KAT6B: variants seen among roughly 807,000 people sequenced by gnomAD.
KAT6B encodes the protein histone acetyltransferase KAT6B.
KAT6B carries 10 observed loss-of-function variants against 187.5 expected under a neutral mutation model. That is an observed-to-expected ratio of 0.05 (90% CI 0.03 to 0.09). KAT6B has a LOEUF of 0.09. KAT6B is among the 10% of genes least tolerant of loss of function. KAT6B has a pLI of 1.00. For synonymous variants in KAT6B, 861 were observed against 926.8 expected (o/e 0.93, Z 1.29); for missense variants, 1,952 against 2,558.9 (o/e 0.76, Z 5.12).
chr10:74,901,565 C>T (rs746894877), intron 3 of KAT6B, among the ~76,000 whole-genome samples: 8 of 152,104 alleles, frequency 5.3e-5, no homozygotes, highest in Non-Finnish European at 1.2e-4. Context: ...TTTAAGTTGA[C>T]CTGACAGCAT....
At chr10:74,847,329 A>T (rs1010494037) in intron 3 of KAT6B, among the ~76,000 whole-genome samples, 94 of 152,236 alleles carry the variant, frequency 6.2e-4, no homozygotes, top group African/African-American at 2.2e-3. Context: ...AAATCAGTTT[A>T]AACAAAGTTG....
intron 3 of KAT6B, among the ~76,000 whole-genome samples, chr10:74,846,847 A>T (rs1018073964): frequency 7.2e-5 from 11 of 152,182 alleles, no homozygotes; most frequent in African/African-American, 2.7e-4. Context: ...TATGTACACT[A>T]CCCTAAGGTA....
At chr10:74,959,805 T>G (rs1250793820) in intron 3 of KAT6B, among the ~76,000 whole-genome samples, 165 bp from the exon 4 acceptor site, 8 of 151,938 alleles carry the variant, frequency 5.3e-5, no homozygotes, top group Non-Finnish European at 1.5e-5. Flanking sequence ...AATATAAGAG[T>G]TTTTTTACTA....
At chr10:74,862,333 G>T (rs1261611365) in intron 3 of KAT6B, among the ~76,000 whole-genome samples, 4 of 152,166 alleles carry the variant, frequency 2.6e-5, no homozygotes, top group African/African-American at 9.7e-5. Context: ...TATGCAAAAA[G>T]AGTATTTTTC....
At chr10:74,901,732 G>A (rs1174856646) in intron 3 of KAT6B, among the ~76,000 whole-genome samples, 2 of 152,148 alleles carry the variant, frequency 1.3e-5, no homozygotes, top group African/African-American at 4.8e-5. Context: ...GGGTTGGAGA[G>A]ATTCAGAGAT....
chr10:74,853,620 CTTTTTTTTTTTT>C (rs542210569), intron 3 of KAT6B, among the ~76,000 whole-genome samples: 3 of 122,612 alleles, frequency 2.4e-5, no homozygotes, highest in African/African-American at 9.4e-5. Flanking sequence ...TAAGAAATGC[CTTTTTTTTTTTT>C]TTTTTTTTAA....
chr10:74,885,542 T>C (rs1030480993), intron 3 of KAT6B, among the ~76,000 whole-genome samples: 4 of 152,180 alleles, frequency 2.6e-5, no homozygotes, highest in Non-Finnish European at 4.4e-5. Flanking sequence ...ATGCTAGATA[T>C]GAACTTTGGG....
At chr10:74,952,360 A>G (rs1168370859) in intron 3 of KAT6B, among the ~76,000 whole-genome samples, 2 of 152,060 alleles carry the variant, frequency 1.3e-5, no homozygotes, top group African/African-American at 4.8e-5. Context: ...TCTCCTAAAA[A>G]AAAAAGGTAT....
intron 4 of KAT6B, among the ~76,000 whole-genome samples, chr10:74,961,162 G>A (rs1564590292): frequency 6.6e-6 from 1 of 152,088 alleles, no homozygotes; most frequent in Non-Finnish European, 1.5e-5. Context: ...CCTGGCCATG[G>A]CATCATGGAT....
intron 3 of KAT6B, among the ~76,000 whole-genome samples, chr10:74,873,398 AAGGCTGC>A (rs1355011412): frequency 6.6e-6 from 1 of 152,028 alleles, no homozygotes; most frequent in Non-Finnish European, 1.5e-5. Flanking sequence ...CCAGGAATAC[AAGGCTGC>A]AGTGAGCTAT....
chr10:74,828,555 A>G (rs1840456997), intron 1 of KAT6B, among the ~76,000 whole-genome samples: 2 of 142,550 alleles, frequency 1.4e-5, no homozygotes, highest in South Asian at 2.2e-4. Context: ...TTTCTTACTC[A>G]TAAGTTCTTT....
chr10:74,838,797 A>G (rs961259946), intron 2 of KAT6B, 45 bp downstream of exon 2: 6 of 152,176 alleles, frequency 3.9e-5, no homozygotes, highest in African/African-American at 9.7e-5. Flanking sequence ...TAAAATGACA[A>G]TCTTATTGAA....
chr10:75,004,288 A>G (rs888578883), intron 13 of KAT6B, among the ~76,000 whole-genome samples: 10 of 152,338 alleles, frequency 6.6e-5, no homozygotes, highest in South Asian at 6.2e-4. Flanking sequence ...TGCCTAGCAC[A>G]TAGAGGATAC....
chr10:74,935,560 C>G (rs185223220), intron 3 of KAT6B, among the ~76,000 whole-genome samples: 1 of 152,310 alleles, frequency 6.6e-6, no homozygotes, highest in Non-Finnish European at 1.5e-5. Flanking sequence ...GCCTCAGCCT[C>G]CCAAACTGCT....
Position 75,021,120 on chromosome 10 carries a change from T to C in KAT6B, c.2862-6T>C. On this transcript the variant is annotated splice_region_variant and splice_polypyrimidine_tract_variant and intron_variant, in intron 14 of 17. Transcript: ENST00000287239. ...TTACATCTTGTTCTGCCTTATCACA[T>C]TACAGATTTGTCATCATTAGACGGG... The C allele has an allele frequency of 6.2e-7, 1 of 1,613,642 alleles. No homozygotes were observed. Among genetic ancestry groups the C allele is most frequent in the Non-Finnish European group, 8.5e-7 (1 of 1,179,554 alleles).
chr10:74,900,695 G>A (rs1327538718), intron 3 of KAT6B, among the ~76,000 whole-genome samples: 2 of 152,226 alleles, frequency 1.3e-5, no homozygotes, highest in Non-Finnish European at 2.9e-5. Flanking sequence ...CAGATGAAAG[G>A]GGGTGATATA....
intron 13 of KAT6B, among the ~76,000 whole-genome samples, chr10:75,005,756 T>G (rs1694656326): frequency 6.6e-6 from 1 of 152,236 alleles, no homozygotes; most frequent in Non-Finnish European, 1.5e-5. Flanking sequence ...TGCTACATTT[T>G]CATGTTTACC....
At chr10:74,925,905 A>C (rs1342862347) in intron 3 of KAT6B, among the ~76,000 whole-genome samples, 1 of 152,060 alleles carries the variant, frequency 6.6e-6, no homozygotes, top group Non-Finnish European at 1.5e-5. Flanking sequence ...TCGGCAGAAC[A>C]GATGCAGCTT....
At chr10:74,901,733 A>T (rs1054277305) in intron 3 of KAT6B, among the ~76,000 whole-genome samples, 2 of 152,134 alleles carry the variant, frequency 1.3e-5, no homozygotes, top group African/African-American at 4.8e-5. Context: ...GGTTGGAGAG[A>T]TTCAGAGATT....
Sources: allele counts gnomAD v4.1 joint callset (sites outside exome capture counted in the v4.1 genomes callset), GRCh38; gene constraint gnomAD v4.1.1; transcripts MANE v1.5; gene names NCBI Gene and HGNC (gene_info 2026-07-23, HGNC 2026-07-21).